The following DLG5 variants were observed in gnomAD, a reference collection of about 807,000 sequenced individuals.
DLG5 encodes the protein disks large homolog 5.
Under a neutral mutation model 189.8 loss-of-function variants are expected in DLG5, and 48 were observed. The ratio of observed to expected loss-of-function variants is 0.25; its 90% CI spans 0.20 to 0.32. The LOEUF is 0.32. Ranked by LOEUF, DLG5 falls within the 10% of genes least tolerant of loss-of-function variation. The pLI, the probability that DLG5 is intolerant of heterozygous loss-of-function variation, is 1.00. For synonymous variants in DLG5, 1,016 were observed against 1,054.1 expected, an observed-to-expected ratio of 0.96 and a Z score of 0.70; for missense variants, 2,160 against 2,544.7, an observed-to-expected ratio of 0.85 and a Z score of 3.25.
At chr10:77,823,158 G>C (rs1213828214) in intron 14 of DLG5, among the ~76,000 whole-genome samples, 1 of 152,224 alleles carries the variant, frequency 6.6e-6, no homozygotes, top group African/African-American at 2.4e-5. Context: ...TTGGGGACAG[G>C]AGTGGGGATG....
rs182778408 is a variant in DLG5, at chr10:77,911,834, C to T, written c.304+14383G>A. On this transcript the variant is annotated intron_variant, in intron 1 of 31. Transcript: ENST00000372391. ...CTGCATGTTAGCAGGAGCTTGTTTA[C>T]GCATAAAAACGAACAGTTCTCTTAT... 1.2e-3 allele frequency among the ~76,000 whole-genome samples: 176 copies of T among 151,502 alleles called. 1 individual carries two copies. The highest frequency in any genetic ancestry group is 3.9e-3 in the African/African-American group (161 of 41,250).
chr10:77,792,560 C>A lies in DLG5; in HGVS notation c.5657-17G>T, dbSNP rs1389020286. ...GGATGACCCCTGCAAAAGAGCCCCC[C>A]AGACACGTCATTCAGCTCAGAGTAA... On this transcript the variant is annotated splice_polypyrimidine_tract_variant and intron_variant, in intron 31 of 31. Transcript: ENST00000372391. 3.1e-6 allele frequency: 5 copies of A among 1,612,678 alleles called. 1 individual carries two copies. Among genetic ancestry groups the A allele is most frequent in the South Asian group, 2.2e-5 (2 of 91,048 alleles).
rs112200841 is a variant in DLG5 at position 77,796,746 on chromosome 10, C to T, written c.5165-152G>A. Reference sequence around the variant, plus strand: ...GAAAATCTCGTGTCCCAGGCACAACCGGGCATCGTCACCCCTGGAGTCCAG... The same window carrying T: ...GAAAATCTCGTGTCCCAGGCACAACTGGGCATCGTCACCCCTGGAGTCCAG... On this transcript the variant is annotated intron_variant, in intron 27 of 31. Coordinates refer to ENST00000372391, the MANE Select transcript of DLG5 (RefSeq NM_004747.4). The surrounding 1 kb of genome is among the most constrained non-coding windows in gnomAD (Gnocchi z 5.2). 7 of 942,304 alleles carry T rather than the reference C, an allele frequency of 7.4e-6. No individual in the cohort carries two copies. In the East Asian group the frequency reaches 7.9e-5, roughly 11 times the overall value. 58.4% of individuals were successfully genotyped at this position (942,304 alleles called of 1,614,324 possible). A position where few individuals can be genotyped will look rare whatever the true frequency, so the allele number is the denominator to read the frequency against.
intron 11 of DLG5, 103 bp from the exon 12 acceptor site, chr10:77,829,633 C>G: frequency 7.5e-7 from 1 of 1,335,600 alleles, no homozygotes; most frequent in South Asian, 1.4e-5. Flanking sequence ...GAGTGGGTGC[C>G]TCACATACAC....
Position 77,902,235 on chromosome 10 carries a change from C to T in DLG5, c.304+23982G>A, listed in dbSNP as rs574992493. ...TCTGATTCACAGACCTAGGGTGAGG[C>T]CAAGGGGTTTAATCTTTCAGAAGCT... On this transcript the variant is annotated intron_variant, in intron 1 of 31. Transcript: ENST00000372391. Among the ~76,000 whole-genome samples, 4 of 152,292 alleles carry T rather than the reference C, an allele frequency of 2.6e-5. No individual in the cohort carries two copies. The East Asian group carries it at 7.8e-4, about 30-fold the overall frequency.
chr10:77,806,894 C>G lies in DLG5; in HGVS notation c.4831G>C (p.Glu1611Gln). ...ATGTCGTCCTTCTTAAAGCTCAACT[C>G]TTGCTCCACATCTGCCAGCCGGTCG... ...LYDRLADVEQ[E>Q]LSFKKDDILY... is the part of the protein sequence containing the mutation. The change falls in exon 26 of 32, where the codon GAG becomes CAG. Residue 1611 changes from glutamate to glutamine, a missense_variant. Glu to Gln is a conservative substitution (Grantham distance 29). This residue lies in a region of DLG5 where 574 missense variants were observed against 644.2 expected (regional missense o/e 0.89). Transcript: ENST00000372391. 6.2e-7 allele frequency: 1 copy of G among 1,613,898 alleles called. No individual in the cohort carries two copies. Among genetic ancestry groups the G allele is most frequent in the Non-Finnish European group, 8.5e-7 (1 of 1,179,778 alleles).
chr10:77,868,045 A>G (rs1844756079), intron 2 of DLG5: 2 of 456,584 alleles, frequency 4.4e-6, no homozygotes, highest in Admixed American at 2.3e-5. Flanking sequence ...AGAAGCGAGG[A>G]GAGAGGCCCG....
chr10:77,937,864 C>T, the DLG5 span, among the ~76,000 whole-genome samples: 6 of 146,632 alleles, frequency 4.1e-5, no homozygotes, highest in East Asian at 1.2e-3. Context: ...ATTACAGGTG[C>T]ACTCAGCTAA....
At position 77,821,104 on chromosome 10, in the gene DLG5, A is replaced by G. The variant is rs1842323748; in HGVS notation, c.3380T>C (p.Val1127Ala). ...PSFRPKLAPV[V>A]IPAQFLEEQK... ...TACCTCCAGGAACTGAGCAGGAATC[A>G]CTACTGGAGCAAGCTTCGGCCGAAA... Residue 1127 changes from valine (V) to alanine (A), a missense_variant, in exon 15 of 32, where the codon GTG (valine) becomes GCG (alanine). Around this residue, in one of 5 missense-constraint regions of DLG5, gnomAD observed 754 missense variants for 746.5 expected, o/e 1.01. Coordinates refer to ENST00000372391, the MANE Select transcript of DLG5 (RefSeq NM_004747.4). The G allele has an allele frequency of 1.9e-6, 3 of 1,613,200 alleles. No individual in the cohort carries two copies. In the East Asian group the frequency reaches 6.7e-5, roughly 36 times the overall value.
intron 1 of DLG5, among the ~76,000 whole-genome samples, chr10:77,892,286 T>A (rs1845633380): frequency 6.6e-6 from 1 of 152,136 alleles, no homozygotes; most frequent in Non-Finnish European, 1.5e-5. Flanking sequence ...AAGCAACCTG[T>A]GAGAAAAACA....
intron 20 of DLG5, among the ~76,000 whole-genome samples, chr10:77,814,725 C>T (rs1841968584): frequency 6.6e-6 from 1 of 151,752 alleles, no homozygotes; most frequent in Non-Finnish European, 1.5e-5. Flanking sequence ...CAGGTGCCTG[C>T]CACCGTGCCT....
At chr10:77,925,566 T>C (rs1846659231) in intron 1 of DLG5, among the ~76,000 whole-genome samples, 1 of 152,180 alleles carries the variant, frequency 6.6e-6, no homozygotes. Flanking sequence ...AGCAGCTCTG[T>C]GCTCTCAGGG....
chr10:77,866,900 G>A, intron 2 of DLG5: 1 of 442,394 alleles, frequency 2.3e-6, no homozygotes, highest in South Asian at 1.6e-5. Flanking sequence ...AGCAAGAGAA[G>A]CAAAACTCGG....
the DLG5 span, among the ~76,000 whole-genome samples, chr10:77,937,969 C>T: frequency 1.3e-5 from 2 of 150,068 alleles, no homozygotes; most frequent in African/African-American, 4.9e-5. Flanking sequence ...CTGCCCACCT[C>T]AGCCTCCCGA....
intron 1 of DLG5, among the ~76,000 whole-genome samples, chr10:77,884,038 C>G (rs1230800995): frequency 6.6e-6 from 1 of 152,076 alleles, no homozygotes; most frequent in East Asian, 1.9e-4. Context: ...AGTTCAGAAT[C>G]TGGGGAAATA....
intron 7 of DLG5, among the ~76,000 whole-genome samples, chr10:77,838,329 C>A (rs995065482): frequency 6.6e-6 from 1 of 152,164 alleles, no homozygotes; most frequent in Non-Finnish European, 1.5e-5. Flanking sequence ...TCCAGTGGTG[C>A]CGACCTCAAC....
At chr10:77,883,691 CT>C (rs36028891) in intron 1 of DLG5, among the ~76,000 whole-genome samples, 507 of 96,428 alleles carry the variant, frequency 5.3e-3, no homozygotes, top group South Asian at 0.019. Context: ...TAACATTGTT[CT>C]TTTTTTTTTT....
At chr10:77,804,231 G>A (rs1841361021) in intron 27 of DLG5, among the ~76,000 whole-genome samples, 2 of 152,164 alleles carry the variant, frequency 1.3e-5, no homozygotes, top group Admixed American at 1.3e-4. Context: ...AAATATTTTA[G>A]GCTTTGAAGG....
At chr10:77,867,761 C>T (rs1051245877) in intron 2 of DLG5, among the ~76,000 whole-genome samples, 24 of 152,176 alleles carry the variant, frequency 1.6e-4, no homozygotes, top group African/African-American at 4.6e-4. Flanking sequence ...CTTTCCGAGG[C>T]GCATTTGCAT....
Sources: gnomAD v4.1 joint callset for allele counts (sites outside exome capture counted in the v4.1 genomes callset) on GRCh38, gnomAD v4.1.1 for gene constraint, gnomAD v4.1.1 regional missense constraint, Gnocchi (gnomAD v3.1) non-coding constraint, MANE v1.5 for transcripts, NCBI Gene and HGNC (gene_info 2026-07-23, HGNC 2026-07-21) for gene names.